Variants in GPC6 observed in about 807,000 individuals in gnomAD.
GPC6 encodes glypican 6.
In GPC6, 14 loss-of-function variants were observed where a neutral mutation model predicts 55.2. That is an observed-to-expected ratio of 0.25 (90% CI 0.17 to 0.40). GPC6 has a LOEUF of 0.40. GPC6 is among the 10% of genes least tolerant of loss of function. The pLI, the probability that GPC6 is intolerant of heterozygous loss-of-function variation, is 1.00. For synonymous variants in GPC6, 278 were observed against 259.6 expected, an observed-to-expected ratio of 1.07 and a Z score of -0.68; for missense variants, 641 against 708.5, an observed-to-expected ratio of 0.90 and a Z score of 1.08.
chr13:94,288,938 G>T (rs377322280), intron 5 of GPC6, among the ~76,000 whole-genome samples: 2,422 of 17,628 alleles, frequency 0.14, 74 homozygotes, highest in African/African-American at 0.28. Flanking sequence ...AATATAGATA[G>T]ATAGATAGAT....
chr13:94,359,507 A>C (rs1326125056), intron 6 of GPC6, among the ~76,000 whole-genome samples: 1 of 152,200 alleles, frequency 6.6e-6, no homozygotes, highest in East Asian at 1.9e-4. Flanking sequence ...GTGTAACCTC[A>C]CATGCCAGCA....
At chr13:94,152,594 C>A (rs892768991) in intron 4 of GPC6, among the ~76,000 whole-genome samples, 1 of 151,928 alleles carries the variant, frequency 6.6e-6, no homozygotes, top group Admixed American at 6.6e-5. Context: ...GATAAAGTAT[C>A]CAGTACTTGC....
intron 1 of GPC6, among the ~76,000 whole-genome samples, chr13:93,331,845 C>A (rs1027641715): frequency 2.6e-5 from 4 of 152,050 alleles, no homozygotes; most frequent in Non-Finnish European, 5.9e-5. Context: ...TATTAGCCAA[C>A]CTTTCTTTAT....
At chr13:93,452,090 A>G (rs1878249111) in intron 1 of GPC6, among the ~76,000 whole-genome samples, 1 of 152,198 alleles carries the variant, frequency 6.6e-6, no homozygotes, top group Non-Finnish European at 1.5e-5. Flanking sequence ...AGAATGTGTT[A>G]GGTAGTGAGG....
At chr13:93,361,142 T>C (rs896615478) in intron 1 of GPC6, among the ~76,000 whole-genome samples, 2 of 152,182 alleles carry the variant, frequency 1.3e-5, no homozygotes, top group Admixed American at 1.3e-4. Context: ...CCTAAGCTGC[T>C]GTGCCCTTGG....
intron 2 of GPC6, among the ~76,000 whole-genome samples, chr13:93,787,120 C>T (rs1429785051): frequency 2.0e-5 from 3 of 152,132 alleles, no homozygotes; most frequent in East Asian, 1.9e-4. Context: ...TCCACTATCT[C>T]GGAAATAGTT....
intron 1 of GPC6, among the ~76,000 whole-genome samples, chr13:93,328,568 A>G (rs1163125678): frequency 1.3e-5 from 2 of 151,884 alleles, no homozygotes; most frequent in Non-Finnish European, 2.9e-5. Context: ...GCAGCTACTC[A>G]GGAGGCTGAG....
chr13:94,157,376 A>G (rs149606866), intron 4 of GPC6, among the ~76,000 whole-genome samples: 1,647 of 152,280 alleles, frequency 0.011, 16 homozygotes, highest in African/African-American at 0.026. Flanking sequence ...AAGAGAAAGA[A>G]CACCTCCAAC....
chr13:93,226,613 T>A (rs1444981027), upstream of GPC6: 1 of 152,188 alleles, frequency 6.6e-6, no homozygotes, highest in Non-Finnish European at 1.5e-5. Context: ...AAAATTACCT[T>A]GTCTTTCTAG....
intron 1 of GPC6, among the ~76,000 whole-genome samples, chr13:93,522,561 G>A (rs1438050139): frequency 1.3e-5 from 2 of 151,702 alleles, no homozygotes; most frequent in African/African-American, 4.8e-5. Flanking sequence ...AGAAATGTTG[G>A]AGATGTGTTT....
Position 93,535,025 on chromosome 13 carries a change from T to C in GPC6, c.161-10238T>C, listed in dbSNP as rs536880257. Among the ~76,000 whole-genome samples the C allele has an allele frequency of 2.0e-5, 3 of 152,294 alleles. No homozygotes were observed. The South Asian group carries it at 6.2e-4, about 32-fold the overall frequency. On this transcript the variant is annotated intron_variant, in intron 1 of 8. Transcript: ENST00000377047. ...TGATTTGCCCATAGAAACTTTCCAATAAAGATTTGATGAATAAGGGTATAG... is the reference window on the plus strand; with the variant it reads ...TGATTTGCCCATAGAAACTTTCCAACAAAGATTTGATGAATAAGGGTATAG...
intron 4 of GPC6, among the ~76,000 whole-genome samples, chr13:94,136,063 T>C (rs1887174461): frequency 6.6e-6 from 1 of 152,170 alleles, no homozygotes; most frequent in African/African-American, 2.4e-5. Context: ...CCAAATTGTA[T>C]TGTCATTTCC....
chr13:94,217,872 A>G (rs1011973333), intron 4 of GPC6, among the ~76,000 whole-genome samples: 1 of 151,930 alleles, frequency 6.6e-6, no homozygotes, highest in African/African-American at 2.4e-5. Context: ...TATAAGGGAC[A>G]TGATACAACT....
At chr13:93,949,399 T>C (rs781341167) in intron 3 of GPC6, among the ~76,000 whole-genome samples, 72 of 152,334 alleles carry the variant, frequency 4.7e-4, no homozygotes, top group Middle Eastern at 6.8e-3. Flanking sequence ...TGTGTTTAAT[T>C]ATGGTTGATA....
chr13:94,191,816 G>A (rs2138963241), intron 4 of GPC6, among the ~76,000 whole-genome samples: 1 of 152,210 alleles, frequency 6.6e-6, no homozygotes, highest in African/African-American at 2.4e-5. Context: ...AACTGGTGAA[G>A]GTAACAAATA....
intron 2 of GPC6, among the ~76,000 whole-genome samples, chr13:93,810,676 C>G (rs914614171): frequency 6.6e-6 from 1 of 152,120 alleles, no homozygotes; most frequent in African/African-American, 2.4e-5. Context: ...TAAAGAAATT[C>G]AAAATTAATG....
chr13:93,342,849 T>C (rs1880305824), intron 1 of GPC6, among the ~76,000 whole-genome samples: 1 of 152,208 alleles, frequency 6.6e-6, no homozygotes, highest in African/African-American at 2.4e-5. Context: ...GTTTCTGGAA[T>C]TATCAATGCT....
intron 1 of GPC6, among the ~76,000 whole-genome samples, chr13:93,281,711 G>A (rs1311351665): frequency 6.6e-6 from 1 of 152,168 alleles, no homozygotes; most frequent in African/African-American, 2.4e-5. Flanking sequence ...CAGCTACTTG[G>A]GAGGCTGAGG....
chr13:93,845,533 T>C (rs9556332), intron 3 of GPC6, among the ~76,000 whole-genome samples: 81,511 of 129,756 alleles, frequency 0.63, 26,417 homozygotes, highest in East Asian at 0.78. Context: ...GACATGCACA[T>C]GTATGTTTAT....
Sources: allele counts gnomAD v4.1 joint callset (sites outside exome capture counted in the v4.1 genomes callset), GRCh38; gene constraint gnomAD v4.1.1; transcripts MANE v1.5; gene names NCBI Gene and HGNC (gene_info 2026-07-23, HGNC 2026-07-21).